ITFG1: variants seen among roughly 807,000 people sequenced by gnomAD.
ITFG1 encodes the protein T-cell immunomodulatory protein.
Under a neutral mutation model 81.8 loss-of-function variants are expected in ITFG1, and 34 were observed. The observed-to-expected ratio is 0.42, with a 90% CI of 0.32 to 0.55. ITFG1 has a LOEUF of 0.55. Among genes scored for constraint, ITFG1 ranks in the 20% least tolerant of loss-of-function variants. ITFG1 has a pLI of 0.17. For synonymous variants in ITFG1, 285 were observed against 270.6 expected (o/e 1.05, Z -0.52); for missense variants, 672 against 755.4 (o/e 0.89, Z 1.29).
In ITFG1 at chr16:47,461,019, G is replaced by A. The variant is rs1969533332; in HGVS notation, c.27C>T (p.Ser9=). 1 of 1,547,338 alleles carries A rather than the reference G, an allele frequency of 6.5e-7. No individual in the cohort carries two copies. The highest frequency in any genetic ancestry group is 8.7e-7 in the Non-Finnish European group (1 of 1,147,768). The change falls in exon 1 of 18, where the codon AGC becomes AGT. Residue 9 remains serine, a synonymous_variant. Transcript: ENST00000320640. MAAAGRLP[S]SWALFSPLLA... The stretch of plus-strand genomic sequence containing the variant: ...GGAGCGGCGAGAAGAGGGCCCAGGA[G>A]CTCGGGAGCCGGCCCGCCGCCGCCA...
chr16:47,171,698 C>G (rs1225916712), intron 14 of ITFG1, among the ~76,000 whole-genome samples: 8 of 151,892 alleles, frequency 5.3e-5, no homozygotes, highest in Non-Finnish European at 7.4e-5. Context: ...ACTGCTTTTG[C>G]TTCATCCAAT....
Position 47,456,673 on chromosome 16 carries a change from C to G in ITFG1, c.281+2430G>C, listed in dbSNP as rs1969457294. Among the ~76,000 whole-genome samples the G allele has an allele frequency of 1.5e-5, 2 of 130,888 alleles. 1 individual carries two copies. Among genetic ancestry groups the G allele is most frequent in the South Asian group, 4.8e-4 (2 of 4,186 alleles). The allele number at this position is 130,888 out of a possible 152,430, so 85.9% of individuals were successfully genotyped here. On this transcript the variant is annotated intron_variant, in intron 2 of 17. Transcript: ENST00000320640. Reference sequence around the variant, plus strand: ...TGCCACTGCACTCCAGCCTGGGAAACAGAGTGAGACTCTGTCTCTAAAAAA... The same window carrying G: ...TGCCACTGCACTCCAGCCTGGGAAAGAGAGTGAGACTCTGTCTCTAAAAAA...
chr16:47,229,747 G>C (rs1404589556), intron 13 of ITFG1, among the ~76,000 whole-genome samples: 2 of 152,074 alleles, frequency 1.3e-5, no homozygotes, highest in Non-Finnish European at 2.9e-5. Context: ...GGGTTTTGGG[G>C]GGTGGGGAAC....
At chr16:47,319,287 A>T (rs1020280240) in intron 8 of ITFG1, among the ~76,000 whole-genome samples, 3 of 152,194 alleles carry the variant, frequency 2.0e-5, no homozygotes, top group Admixed American at 1.3e-4. Context: ...CCAAAATTCA[A>T]ATTTTTGCTT....
intron 6 of ITFG1, among the ~76,000 whole-genome samples, chr16:47,376,512 G>A (rs1968326697): frequency 6.6e-6 from 1 of 151,876 alleles, no homozygotes; most frequent in African/African-American, 2.4e-5. Flanking sequence ...AAAAAAATAG[G>A]TTCACAGTCA....
chr16:47,338,523 C>T (rs935094368), intron 8 of ITFG1, among the ~76,000 whole-genome samples: 1 of 151,926 alleles, frequency 6.6e-6, no homozygotes, highest in African/African-American at 2.4e-5. Flanking sequence ...TCTAAATGTT[C>T]GGTTTAGAGC....
intron 12 of ITFG1, among the ~76,000 whole-genome samples, chr16:47,246,221 A>G: frequency 6.6e-6 from 1 of 152,228 alleles, no homozygotes; most frequent in East Asian, 1.9e-4. Flanking sequence ...CCTCCTGTCA[A>G]ATTTGAAGTT....
At chr16:47,397,620 T>C (rs568520048) in intron 6 of ITFG1, among the ~76,000 whole-genome samples, 2 of 152,284 alleles carry the variant, frequency 1.3e-5, no homozygotes, top group Admixed American at 1.3e-4. Context: ...GGTATGGTGC[T>C]AAACTAAACA....
intron 14 of ITFG1, among the ~76,000 whole-genome samples, chr16:47,195,458 C>T (rs1965346724): frequency 6.6e-6 from 1 of 152,192 alleles, no homozygotes; most frequent in Non-Finnish European, 1.5e-5. Flanking sequence ...ATGCCACAAT[C>T]ACCTAGTACA....
chr16:47,349,280 G>A (rs1381161030), intron 8 of ITFG1, among the ~76,000 whole-genome samples: 1 of 152,120 alleles, frequency 6.6e-6, no homozygotes, highest in African/African-American at 2.4e-5. Flanking sequence ...TGGATAAAGA[G>A]TCAGACCCAT....
intron 14 of ITFG1, 108 bp downstream of exon 14, chr16:47,218,758 TGA>T: frequency 4.1e-6 from 2 of 492,358 alleles, no homozygotes; most frequent in Non-Finnish European, 7.0e-6. Context: ...ATAATAAAAG[TGA>T]AGATGTTATT....
chr16:47,333,086 T>C (rs903887758), intron 8 of ITFG1, among the ~76,000 whole-genome samples: 1 of 152,178 alleles, frequency 6.6e-6, no homozygotes, highest in Admixed American at 6.5e-5. Context: ...ATTTTTTTTT[T>C]CTATTCCTAT....
At chr16:47,274,159 A>G (rs1966373360) in intron 10 of ITFG1, among the ~76,000 whole-genome samples, 1 of 152,026 alleles carries the variant, frequency 6.6e-6, no homozygotes, top group African/African-American at 2.4e-5. Flanking sequence ...CGGGAGGCTG[A>G]GGCAGGAGAA....
At chr16:47,231,380 C>T (rs778248396) in intron 13 of ITFG1, among the ~76,000 whole-genome samples, 2 of 151,806 alleles carry the variant, frequency 1.3e-5, no homozygotes, top group Non-Finnish European at 2.9e-5. Context: ...TAAAAGATTT[C>T]AAAAATTAGT....
At chr16:47,391,886 C>T (rs570219113) in intron 6 of ITFG1, among the ~76,000 whole-genome samples, 1 of 152,146 alleles carries the variant, frequency 6.6e-6, no homozygotes, top group Non-Finnish European at 1.5e-5. Flanking sequence ...GACATATACA[C>T]CTATCCCTTC....
chr16:47,416,294 CAT>C (rs1968874232), intron 6 of ITFG1, among the ~76,000 whole-genome samples: 2 of 151,576 alleles, frequency 1.3e-5, no homozygotes, highest in Admixed American at 1.3e-4. Flanking sequence ...TTGTTATAAT[CAT>C]ATAGTGGATA....
chr16:47,323,520 C>T (rs986401715), intron 8 of ITFG1, among the ~76,000 whole-genome samples: 6 of 152,114 alleles, frequency 3.9e-5, no homozygotes, highest in Non-Finnish European at 1.5e-5. Flanking sequence ...TCTCAGATTA[C>T]ATAACTGTAA....
At chr16:47,173,235 C>T (rs1388497689) in intron 14 of ITFG1, among the ~76,000 whole-genome samples, 1 of 152,156 alleles carries the variant, frequency 6.6e-6, no homozygotes, top group Non-Finnish European at 1.5e-5. Context: ...CTTCCTCCCA[C>T]CCACAGTACG....
intron 6 of ITFG1, among the ~76,000 whole-genome samples, chr16:47,380,434 C>CA (rs1427588448): frequency 6.6e-6 from 1 of 152,068 alleles, no homozygotes; most frequent in African/African-American, 2.4e-5. Context: ...GACACTACGC[C>CA]AAAAAGTAAG....
Sources: gnomAD v4.1 joint callset for allele counts (sites outside exome capture counted in the v4.1 genomes callset) on GRCh38, gnomAD v4.1.1 for gene constraint, MANE v1.5 for transcripts, NCBI Gene and HGNC (gene_info 2026-07-23, HGNC 2026-07-21) for gene names.